The following HSPA14 variants were observed in gnomAD, a reference collection of about 807,000 sequenced individuals.
The protein encoded by HSPA14 is heat shock 70 kDa protein 14.
Under a neutral mutation model 65.5 loss-of-function variants are expected in HSPA14, and 37 were observed. The ratio of observed to expected loss-of-function variants is 0.56; its 90% CI spans 0.43 to 0.74. HSPA14 has a LOEUF of 0.74. HSPA14 is among the 30% of genes least tolerant of loss of function. The probability of loss-of-function intolerance (pLI) is 0.00; values close to 1 mark genes in which losing one functional copy is unlikely to be tolerated. For synonymous variants in HSPA14, 203 were observed against 214.2 expected (o/e 0.95, Z 0.46); for missense variants, 564 against 607.6 (o/e 0.93, Z 0.75).
chr10:14,859,605 A>T (rs1832735327), intron 10 of HSPA14, among the ~76,000 whole-genome samples: 1 of 152,192 alleles, frequency 6.6e-6, no homozygotes, highest in South Asian at 2.1e-4. Flanking sequence ...CTGCAATTTT[A>T]ATAGCTCCAT....
rs545809443 is a variant in HSPA14, at chr10:14,839,915, C to G, written c.68C>G (p.Ala23Gly). The change falls in exon 2 of 14, where the codon GCT becomes GGT. Residue 23 changes from alanine to glycine, a missense_variant. Physicochemically the swap from Ala to Gly is moderately conservative, Grantham distance 60. Coordinates refer to ENST00000378372, the MANE Select transcript of HSPA14 (RefSeq NM_016299.4). ...TGTTTTTTTCTCTAGGATGGCCGGG[C>G]TGGTGTGGTTGCAAATGATGCCGGT... Reference protein sequence around the residue: ...ACVAVYKDGRAGVVANDAGDR... With the variant: ...ACVAVYKDGRGGVVANDAGDR... 6.2e-7 allele frequency: 1 copy of G among 1,612,586 alleles called. No homozygotes were observed. The highest frequency in any genetic ancestry group is 1.3e-5 in the African/African-American group (1 of 74,924).
intron 3 of HSPA14, chr10:14,844,794 C>A (rs951421357): frequency 1.0e-6 from 1 of 985,194 alleles, no homozygotes; most frequent in Admixed American, 6.2e-5. Flanking sequence ...CTTTAAGTTT[C>A]GGTTGCCATT....
Position 14,867,807 on chromosome 10 carries a change from A to G in HSPA14, c.1278A>G (p.Arg426=), listed in dbSNP as rs374572266. The G allele has an allele frequency of 6.2e-7, 1 of 1,614,180 alleles. No individual in the cohort carries two copies. Among genetic ancestry groups the G allele is most frequent in the Non-Finnish European group, 8.5e-7 (1 of 1,180,022 alleles). Residue 426 remains arginine (R), a synonymous_variant, in exon 12 of 14, where the codon AGA becomes AGG. Transcript: ENST00000378372. ...FPSGTPLPAR[R]QHTLQAPGSI... Reference sequence around the variant, plus strand: ...CAGGGACTCCTTTGCCAGCTCGAAGACAACACACATTGCAAGCCCCTGGAA... The same window carrying G: ...CAGGGACTCCTTTGCCAGCTCGAAGGCAACACACATTGCAAGCCCCTGGAA...
In HSPA14 at chr10:14,848,637, A is replaced by G; in HGVS notation, c.250A>G (p.Ile84Val). 1 of 1,611,438 alleles carries G rather than the reference A, an allele frequency of 6.2e-7. No homozygotes were observed. The highest frequency in any genetic ancestry group is 8.5e-7 in the Non-Finnish European group (1 of 1,178,218). ...CAGTGATCCACAAGCTCAGAAATAC[A>G]TCGCGGAAAGTAAATGTTTAGTGAG... ...SSSDPQAQKY[I>V]AESKCLVIEK... Residue 84 changes from isoleucine to valine, a missense_variant, in exon 4 of 14, where the codon ATC becomes GTC. Physicochemically the swap from Ile to Val is conservative, Grantham distance 29 (BLOSUM62 3). Transcript: ENST00000378372.
intron 3 of HSPA14, chr10:14,846,428 TG>T: frequency 2.0e-6 from 2 of 985,332 alleles, no homozygotes; most frequent in Non-Finnish European, 2.4e-6. Flanking sequence ...AACCCTAATG[TG>T]GGAATAAAAG....
At chr10:14,849,148 ATAGT>A (rs1034025087) in intron 5 of HSPA14, among the ~76,000 whole-genome samples, 8 of 152,360 alleles carry the variant, frequency 5.3e-5, no homozygotes, top group East Asian at 3.9e-4. Context: ...TTTTCCAAAC[ATAGT>A]TAGTGGCCGA....
In HSPA14 at chr10:14,848,605, A is replaced by G. The variant is rs1231276908; in HGVS notation, c.222-4A>G. 1 of 1,607,096 alleles carries G rather than the reference A, an allele frequency of 6.2e-7. No individual in the cohort carries two copies. Among genetic ancestry groups the G allele is most frequent in the Admixed American group, 1.7e-5 (1 of 59,808 alleles). ...TAGCTATCTTTATCTTTCTTTATGGACAGCTCCAGTGATCCACAAGCTCAG... is the reference window on the plus strand; with the variant it reads ...TAGCTATCTTTATCTTTCTTTATGGGCAGCTCCAGTGATCCACAAGCTCAG... On this transcript the variant is annotated splice_region_variant and splice_polypyrimidine_tract_variant and intron_variant, in intron 3 of 13. Transcript: ENST00000378372.
intron 13 of HSPA14, 74 bp from the exon 14 acceptor site, chr10:14,871,454 A>C: frequency 1.2e-6 from 1 of 842,818 alleles, no homozygotes; most frequent in East Asian, 2.5e-5. Flanking sequence ...GAAAGCCCTC[A>C]AGTAACTTGT....
chr10:14,867,865 T>A lies in HSPA14; in HGVS notation c.1336T>A (p.Ser446Thr), dbSNP rs1832820782. 1 of 1,614,026 alleles carries A rather than the reference T, an allele frequency of 6.2e-7. No homozygotes were observed. Residue 446 changes from serine (S) to threonine (T), a missense_variant, in exon 12 of 14, where the codon TCT becomes ACT. Ser to Thr is a moderately conservative substitution (Grantham distance 58). Coordinates refer to ENST00000378372, the MANE Select transcript of HSPA14 (RefSeq NM_016299.4). The part of the protein sequence containing the change: ...ISSVCLELYE[S>T]DGKNSAKEET... ...TTCAGTGTGCCTTGAACTCTATGAGTCTGATGGGAAGAACTCTGCCAAAGA... is the reference window on the plus strand; with the variant it reads ...TTCAGTGTGCCTTGAACTCTATGAGACTGATGGGAAGAACTCTGCCAAAGA...
chr10:14,845,004 G>A (rs1834031279), intron 3 of HSPA14: 1 of 985,352 alleles, frequency 1.0e-6, no homozygotes, highest in African/African-American at 1.7e-5. Context: ...TCTGGTGGAA[G>A]AGAACAGCTT....
At chr10:14,840,036 A>G (rs561777168) in intron 2 of HSPA14, 39 bp from the exon 3 acceptor site, 2 of 1,329,822 alleles carry the variant, frequency 1.5e-6, no homozygotes, top group Non-Finnish European at 1.0e-6. Flanking sequence ...AATTACATAC[A>G]TTGTAATATA....
Position 14,859,017 on chromosome 10 carries a change from T to C in HSPA14, c.993+3074T>C, listed in dbSNP as rs76311739. ...GTTTGGCTTTTTTTGGAAGAAATTC[T>C]CTCATCTCTTGCTTGAGGGGGACAG... On this transcript the variant is annotated intron_variant, in intron 10 of 13. Coordinates refer to ENST00000378372, the MANE Select transcript of HSPA14 (RefSeq NM_016299.4). Among the ~76,000 whole-genome samples the C allele has an allele frequency of 2.8e-3, 420 of 152,232 alleles. 2 individuals are homozygous for C. The highest frequency in any genetic ancestry group is 9.6e-3 in the African/African-American group (399 of 41,526).
chr10:14,866,989 A>G (rs1832811992), intron 10 of HSPA14, 94 bp from the exon 11 acceptor site: 4 of 829,746 alleles, frequency 4.8e-6, no homozygotes, highest in Admixed American at 2.2e-5. Context: ...TTTTATCTTT[A>G]CATACGATGA....
At chr10:14,867,642 C>T in intron 11 of HSPA14, 94 bp from the exon 12 acceptor site, 1 of 1,067,364 alleles carries the variant, frequency 9.4e-7, no homozygotes, top group South Asian at 1.7e-5. Flanking sequence ...TCCTGTTTAT[C>T]AATAAGGAAT....
At chr10:14,844,573 T>C (rs187188230) in intron 3 of HSPA14, 1 of 985,566 alleles carries the variant, frequency 1.0e-6, no homozygotes, top group Admixed American at 6.1e-5. Context: ...AAGCACTGTT[T>C]TGTCAAACCG....
rs1304730548 is a variant in HSPA14, at chr10:14,843,554, G to T, written c.221+3397G>T. 3 of 1,550,556 alleles carry T rather than the reference G, an allele frequency of 1.9e-6. No individual in the cohort carries two copies. In the East Asian group the frequency reaches 7.3e-5, roughly 38 times the overall value. On this transcript the variant is annotated intron_variant, in intron 3 of 13. Transcript: ENST00000378372. Reference sequence around the variant, plus strand: ...CCGCAGACTCCAGTCTCCTCTTCGAGAGCTGGTTTTGTTTCTGGTGGGGAT... The same window carrying T: ...CCGCAGACTCCAGTCTCCTCTTCGATAGCTGGTTTTGTTTCTGGTGGGGAT...
chr10:14,857,383 C>T (rs1832711712), intron 10 of HSPA14, among the ~76,000 whole-genome samples: 1 of 152,254 alleles, frequency 6.6e-6, no homozygotes, highest in African/African-American at 2.4e-5. Context: ...CTAATATTCC[C>T]ATCAGCAATA....
At chr10:14,838,938 C>G (rs1833931434) in intron 1 of HSPA14, among the ~76,000 whole-genome samples, 1 of 152,140 alleles carries the variant, frequency 6.6e-6, no homozygotes. Context: ...AAAGTTGTGG[C>G]CGCGAGGTAC....
rs1834085827 is a variant in HSPA14, at chr10:14,848,832, G to A, written c.313G>A (p.Gly105Arg). Residue 105 changes from glycine to arginine, a missense_variant, in exon 5 of 14, where the codon GGA (glycine) becomes AGA (arginine). Coordinates refer to ENST00000378372, the MANE Select transcript of HSPA14 (RefSeq NM_016299.4). ...NGKLRYEIDTGEETKFVNPED... is the reference protein window; with the variant it reads ...NGKLRYEIDTREETKFVNPED... Reference sequence around the variant, plus strand: ...GAAATTACGATATGAAATAGATACTGGAGAAGAAACAAAATTTGTTAACCC... The same window carrying A: ...GAAATTACGATATGAAATAGATACTAGAGAAGAAACAAAATTTGTTAACCC... The A allele has an allele frequency of 6.3e-7, 1 of 1,594,042 alleles. No individual in the cohort carries two copies. Among genetic ancestry groups the A allele is most frequent in the Non-Finnish European group, 8.6e-7 (1 of 1,165,412 alleles).
Sources: gnomAD v4.1 joint callset for allele counts (sites outside exome capture counted in the v4.1 genomes callset) on GRCh38, gnomAD v4.1.1 for gene constraint, MANE v1.5 for transcripts, NCBI Gene and HGNC (gene_info 2026-07-23, HGNC 2026-07-21) for gene names.